PCDH15: variants seen among roughly 807,000 people sequenced by gnomAD.
The protein encoded by PCDH15 is protocadherin related 15.
PCDH15 carries 129 observed loss-of-function variants against 178.5 expected under a neutral mutation model. That is an observed-to-expected ratio of 0.72 (90% CI 0.63 to 0.84). The LOEUF is 0.84. Among genes scored for constraint, PCDH15 ranks in the 40% least tolerant of loss-of-function variants. The pLI is 0.00. For synonymous variants in PCDH15, 800 were observed against 732.0 expected, an observed-to-expected ratio of 1.09 and a Z score of -1.50; for missense variants, 2,230 against 2,099.9, an observed-to-expected ratio of 1.06 and a Z score of -1.21.
chr10:54,724,226 G>A (rs1942108310), intron 1 of PCDH15, among the ~76,000 whole-genome samples: 1 of 150,442 alleles, frequency 6.6e-6, no homozygotes, highest in African/African-American at 2.4e-5. Context: ...ATAAAATTAT[G>A]TCCTTTACAG....
At chr10:55,186,365 T>C (rs1839799834) in intron 1 of PCDH15, among the ~76,000 whole-genome samples, 1 of 151,282 alleles carries the variant, frequency 6.6e-6, no homozygotes. Flanking sequence ...AATTGAACTG[T>C]TTAAAACAGC....
At chr10:54,928,138 CAA>C (rs768128424) in intron 2 of PCDH15, among the ~76,000 whole-genome samples, 2 of 152,132 alleles carry the variant, frequency 1.3e-5, no homozygotes, top group South Asian at 2.1e-4. Context: ...CTGGTGGTAA[CAA>C]AGTCTCTCAG....
At chr10:54,949,464 T>C (rs1670837) in intron 2 of PCDH15, among the ~76,000 whole-genome samples, 32,340 of 151,930 alleles carry the variant, frequency 0.21, 4,309 homozygotes, top group African/African-American at 0.37. Flanking sequence ...TGGGAGGAAC[T>C]GCTGTGAAGA....
intron 2 of PCDH15, among the ~76,000 whole-genome samples, chr10:54,589,760 G>A (rs145543329): frequency 0.013 from 1,964 of 152,042 alleles, 43 homozygotes; most frequent in African/African-American, 0.045. Context: ...ACCACACCCG[G>A]CTAATTTTTC....
chr10:54,514,232 T>A (rs984313266), intron 3 of PCDH15, among the ~76,000 whole-genome samples: 2 of 152,112 alleles, frequency 1.3e-5, no homozygotes, highest in African/African-American at 4.8e-5. Context: ...TAATAGTCAA[T>A]AATTGAAAAA....
chr10:54,222,062 C>T (rs1479818023), intron 9 of PCDH15, among the ~76,000 whole-genome samples: 1 of 152,152 alleles, frequency 6.6e-6, no homozygotes, highest in Non-Finnish European at 1.5e-5. Flanking sequence ...TCTATTCATA[C>T]ATTGATGAAC....
chr10:55,459,626 A>C (rs974077316), intron 2 of PCDH15, among the ~76,000 whole-genome samples: 1 of 152,194 alleles, frequency 6.6e-6, no homozygotes, highest in African/African-American at 2.4e-5. Context: ...GGTGGCCATG[A>C]GCCTCATAAT....
At chr10:53,978,236 C>T (rs2090348643) in intron 21 of PCDH15, among the ~76,000 whole-genome samples, 1 of 152,190 alleles carries the variant, frequency 6.6e-6, no homozygotes, top group Non-Finnish European at 1.5e-5. Context: ...TGCAGCACAC[C>T]TCTGCCTGGA....
chr10:54,068,258 T>A (rs1250402135), intron 17 of PCDH15, among the ~76,000 whole-genome samples: 1 of 152,186 alleles, frequency 6.6e-6, no homozygotes, highest in Non-Finnish European at 1.5e-5. Flanking sequence ...ATAATTACCA[T>A]GCATAGCAGG....
At chr10:54,418,603 T>C (rs1954788834) in intron 3 of PCDH15, among the ~76,000 whole-genome samples, 1 of 151,968 alleles carries the variant, frequency 6.6e-6, no homozygotes, top group African/African-American at 2.4e-5. Flanking sequence ...CAATCACCCA[T>C]AACTTTATTA....
At chr10:54,179,595 A>T (rs1046463014) in intron 13 of PCDH15, among the ~76,000 whole-genome samples, 1 of 152,138 alleles carries the variant, frequency 6.6e-6, no homozygotes, top group African/African-American at 2.4e-5. Flanking sequence ...TTTAAAAAAA[A>T]AGAAGTACAA....
chr10:54,886,043 C>T (rs2131810921), intron 3 of PCDH15, among the ~76,000 whole-genome samples: 1 of 152,168 alleles, frequency 6.6e-6, no homozygotes, highest in South Asian at 2.1e-4. Flanking sequence ...TTCCCCTGCC[C>T]TCAATTTAAT....
chr10:54,655,099 T>A (rs1443917723), intron 2 of PCDH15: 1 of 152,478 alleles, frequency 6.6e-6, no homozygotes, highest in Non-Finnish European at 1.5e-5. Context: ...TGGTCCTAGC[T>A]ACTCGGGAGC....
chr10:54,053,899 A>G (rs1216661415), intron 18 of PCDH15, among the ~76,000 whole-genome samples: 3 of 152,182 alleles, frequency 2.0e-5, no homozygotes, highest in Non-Finnish European at 4.4e-5. Flanking sequence ...GTGAGAAATA[A>G]TAAGAGCCTG....
At chr10:54,440,255 T>C (rs2136141477) in intron 3 of PCDH15, among the ~76,000 whole-genome samples, 1 of 152,112 alleles carries the variant, frequency 6.6e-6, no homozygotes, top group African/African-American at 2.4e-5. Flanking sequence ...AGCCCTTGTG[T>C]TTAATGCTTA....
At chr10:54,824,554 C>T (rs183662381) in intron 3 of PCDH15, among the ~76,000 whole-genome samples, 141 of 152,186 alleles carry the variant, frequency 9.3e-4, no homozygotes, top group Non-Finnish European at 1.7e-3. Context: ...GAGGCCTCTA[C>T]TATGTGATAT....
In PCDH15 at chr10:55,602,056, G is replaced by A. The variant is rs116345005; in HGVS notation, c.-156+25569C>T. ...CGCCGTGCACCAGCCAAAGCAGGGC[G>A]AGGCGTTGCCTCACTCGGGAGGCGC... On this transcript the variant is annotated intron_variant, in intron 2 of 5. Transcript: ENST00000613346. Among the ~76,000 whole-genome samples the A allele has an allele frequency of 6.5e-3, 991 of 152,248 alleles. 15 individuals are homozygous for A. Among genetic ancestry groups the A allele is most frequent in the African/African-American group, 0.023 (940 of 41,552 alleles).
rs947971855 is a variant in PCDH15 at position 54,519,993 on chromosome 10, T to G, written c.157+7819A>C. On this transcript the variant is annotated intron_variant, in intron 3 of 37. Transcript: ENST00000644397. Reference sequence around the variant, plus strand: ...TTCCCTATTTAATAAATGGTGCTGGTACAACTGGCTAGCCATATGTAGAAA... The same window carrying G: ...TTCCCTATTTAATAAATGGTGCTGGGACAACTGGCTAGCCATATGTAGAAA... Among the ~76,000 whole-genome samples, 32 of 152,230 alleles carry G rather than the reference T, an allele frequency of 2.1e-4. No individual in the cohort carries two copies. In the South Asian group the frequency reaches 2.3e-3, roughly 11 times the overall value.
At chr10:55,608,291 G>C (rs867451525) in intron 2 of PCDH15, among the ~76,000 whole-genome samples, 1 of 151,174 alleles carries the variant, frequency 6.6e-6, no homozygotes. Flanking sequence ...GAAGGGAAGG[G>C]GAAGGGAAGC....
Sources: allele counts gnomAD v4.1 joint callset (sites outside exome capture counted in the v4.1 genomes callset), GRCh38; gene constraint gnomAD v4.1.1; transcripts MANE v1.5; gene names NCBI Gene and HGNC (gene_info 2026-07-23, HGNC 2026-07-21).